The following NLRP1 variants were observed in gnomAD, a reference collection of about 807,000 sequenced individuals.
NLRP1 encodes the protein NACHT, LRR and PYD domains-containing protein 1.
NLRP1 carries 94 observed loss-of-function variants against 136.7 expected under a neutral mutation model. The observed-to-expected ratio is 0.69, with a 90% CI of 0.58 to 0.82. The LOEUF (loss-of-function observed/expected upper bound fraction) is 0.82. Among genes scored for constraint, NLRP1 ranks in the 40% least tolerant of loss-of-function variants. The pLI, the probability that NLRP1 is intolerant of heterozygous loss-of-function variation, is 0.00. For synonymous variants in NLRP1, 690 were observed against 725.1 expected (o/e 0.95, Z 0.78); for missense variants, 1,575 against 1,802.7 (o/e 0.87, Z 2.29).
At position 5,559,612 on chromosome 17, in the gene NLRP1, G is replaced by C; in HGVS notation, c.1084C>G (p.Gln362Glu). The change falls in exon 4 of 17, where the codon CAG becomes GAG. Residue 362 changes from glutamine to glutamate, a missense_variant. Physicochemically the swap from Gln to Glu is conservative, Grantham distance 29. Transcript: ENST00000572272. ...CTGCAGCTGAAGTAGAAGACATGCT[G>C]GAAGCGGTCCCCATACAGCTGGCCT... ...GRGQLYGDRFQHVFYFSCREL... is the reference protein window; with the variant it reads ...GRGQLYGDRFEHVFYFSCREL... 6.2e-7 allele frequency: 1 copy of C among 1,614,178 alleles called. No homozygotes were observed. The highest frequency in any genetic ancestry group is 8.5e-7 in the Non-Finnish European group (1 of 1,180,032).
intron 12 of NLRP1, among the ~76,000 whole-genome samples, chr17:5,522,606 T>C (rs1174179124): frequency 6.6e-6 from 1 of 152,216 alleles, no homozygotes; most frequent in Non-Finnish European, 1.5e-5. Context: ...GAAGAGGGCA[T>C]TTCTAGGCCT....
intron 8 of NLRP1, among the ~76,000 whole-genome samples, chr17:5,534,192 C>T (rs1362962001): frequency 6.6e-6 from 1 of 151,942 alleles, no homozygotes; most frequent in East Asian, 1.9e-4. Flanking sequence ...TGAGACCTCC[C>T]CACCTCATCT....
chr17:5,530,436 C>G, intron 12 of NLRP1, 45 bp downstream of exon 12: 1 of 1,540,786 alleles, frequency 6.5e-7, no homozygotes, highest in Non-Finnish European at 9.0e-7. Flanking sequence ...CCTTTCAGGC[C>G]CATAATTACC....
chr17:5,549,646 T>A (rs1913086739), intron 5 of NLRP1, among the ~76,000 whole-genome samples: 1 of 152,196 alleles, frequency 6.6e-6, no homozygotes, highest in African/African-American at 2.4e-5. Context: ...CTGCAAATAA[T>A]AGTTTAATTA....
intron 2 of NLRP1, among the ~76,000 whole-genome samples, chr17:5,582,330 T>C (rs1416795187): frequency 6.6e-6 from 1 of 152,108 alleles, no homozygotes; most frequent in Non-Finnish European, 1.5e-5. Flanking sequence ...TGGACCACCC[T>C]GACCCTAAGG....
intron 14 of NLRP1, among the ~76,000 whole-genome samples, chr17:5,519,411 G>A (rs1362717075): frequency 6.6e-6 from 1 of 150,486 alleles, no homozygotes; most frequent in African/African-American, 2.5e-5. Context: ...CTCCCATAGT[G>A]CTGCGATTAC....
At chr17:5,534,852 CTTT>C (rs35115657) in intron 8 of NLRP1, among the ~76,000 whole-genome samples, 8,497 of 152,250 alleles carry the variant, frequency 0.056, 271 homozygotes, top group Middle Eastern at 0.092. Flanking sequence ...ACCTGGGCCA[CTTT>C]TTCCTGGCTC....
At chr17:5,574,839 A>G (rs1904846396) in intron 3 of NLRP1, among the ~76,000 whole-genome samples, 1 of 150,980 alleles carries the variant, frequency 6.6e-6, no homozygotes, top group Non-Finnish European at 1.5e-5. Flanking sequence ...TTTTTTTTGT[A>G]TTTTTTAGTA....
At chr17:5,582,124 T>C in intron 2 of NLRP1, 62 bp from the exon 3 acceptor site, 1 of 1,330,820 alleles carries the variant, frequency 7.5e-7, no homozygotes, top group Non-Finnish European at 1.1e-6. Context: ...TAGGTGCATA[T>C]ATTTTAAACT....
intron 8 of NLRP1, among the ~76,000 whole-genome samples, chr17:5,534,554 G>A (rs1009927860): frequency 6.6e-6 from 1 of 152,050 alleles, no homozygotes; most frequent in East Asian, 1.9e-4. Context: ...CTCTCAAATA[G>A]CTCTTCTTTC....
At chr17:5,568,092 T>A (rs1275087549) in intron 3 of NLRP1, among the ~76,000 whole-genome samples, 1 of 152,160 alleles carries the variant, frequency 6.6e-6, no homozygotes, top group South Asian at 2.1e-4. Context: ...TACTTGGATA[T>A]CTTTCCCTAG....
intron 3 of NLRP1, among the ~76,000 whole-genome samples, chr17:5,566,697 T>A (rs1915370150): frequency 6.6e-6 from 1 of 152,164 alleles, no homozygotes; most frequent in South Asian, 2.1e-4. Flanking sequence ...TAATGCAGAT[T>A]AAGTTTCATG....
At chr17:5,522,076 C>T (rs528194877) in intron 12 of NLRP1, among the ~76,000 whole-genome samples, 5 of 152,216 alleles carry the variant, frequency 3.3e-5, no homozygotes, top group Admixed American at 6.5e-5. Flanking sequence ...CCGCCTGCCT[C>T]GGCCTCCCAA....
At chr17:5,572,936 G>C (rs1484184780) in intron 3 of NLRP1, among the ~76,000 whole-genome samples, 1 of 152,196 alleles carries the variant, frequency 6.6e-6, no homozygotes, top group Non-Finnish European at 1.5e-5. Flanking sequence ...TGAGGTACCA[G>C]GTTCATCTCA....
At chr17:5,570,432 T>G (rs1437196648) in intron 3 of NLRP1, among the ~76,000 whole-genome samples, 3 of 150,990 alleles carry the variant, frequency 2.0e-5, no homozygotes, top group African/African-American at 7.3e-5. Flanking sequence ...AAGAGGACAT[T>G]ACCATTGACC....
chr17:5,559,075 T>A lies in NLRP1; in HGVS notation c.1621A>T (p.Thr541Ser). The stretch of plus-strand genomic sequence containing the variant: ...GTTGTGGTGGTCTTGGAAGTCAGTG[T>A]GAGTTTTTCCTTCCGCTTCATCTGC... ...MQQMKRKEKL[T>S]LTSKTTTTLC... is the part of the protein sequence containing the mutation. Residue 541 changes from threonine (T) to serine (S), a missense_variant, in exon 4 of 17, where the codon ACA (threonine) becomes TCA (serine). Coordinates refer to ENST00000572272, the MANE Select transcript of NLRP1 (RefSeq NM_033004.4). The A allele has an allele frequency of 6.2e-7, 1 of 1,614,102 alleles. No homozygotes were observed. Among genetic ancestry groups the A allele is most frequent in the Non-Finnish European group, 8.5e-7 (1 of 1,180,020 alleles).
intron 3 of NLRP1, among the ~76,000 whole-genome samples, 166 bp downstream of exon 3, chr17:5,581,693 G>A (rs1386158911): frequency 6.6e-6 from 1 of 152,226 alleles, no homozygotes; most frequent in African/African-American, 2.4e-5. Flanking sequence ...TGGAAACAGT[G>A]CCTTGGACCA....
chr17:5,582,227 G>A (rs550389389), intron 2 of NLRP1, among the ~76,000 whole-genome samples, 165 bp from the exon 3 acceptor site: 1 of 152,222 alleles, frequency 6.6e-6, no homozygotes. Context: ...GTAGTGAAGA[G>A]AGAAGTCATG....
chr17:5,573,757 T>C (rs1374233309), intron 3 of NLRP1, among the ~76,000 whole-genome samples: 1 of 152,252 alleles, frequency 6.6e-6, no homozygotes, highest in Admixed American at 6.5e-5. Flanking sequence ...CTGAGGGTCC[T>C]GACTGTTAGA....
Sources: allele counts gnomAD v4.1 joint callset (sites outside exome capture counted in the v4.1 genomes callset), GRCh38; gene constraint gnomAD v4.1.1; transcripts MANE v1.5; gene names NCBI Gene and HGNC (gene_info 2026-07-23, HGNC 2026-07-21).